The following USH2A variants were observed in gnomAD, a reference collection of about 807,000 sequenced individuals.
USH2A encodes Usher syndrome 2A (autosomal recessive, mild).
Under a neutral mutation model 538.9 loss-of-function variants are expected in USH2A, and 443 were observed. The observed-to-expected ratio is 0.82, with a 90% confidence interval of 0.76 to 0.89. The LOEUF is 0.89. USH2A is among the 40% of genes least tolerant of loss of function. The probability of loss-of-function intolerance (pLI) is 0.00; values close to 1 mark genes in which losing one functional copy is unlikely to be tolerated. For missense variants in USH2A, 6,633 were observed against 6,324.8 expected, an observed-to-expected ratio of 1.05 and a Z score of -1.65; for synonymous variants, 2,413 against 2,273.5, an observed-to-expected ratio of 1.06 and a Z score of -1.75.
At chr1:215,703,506 C>T (rs926341999) in intron 61 of USH2A, among the ~76,000 whole-genome samples, 1 of 152,180 alleles carries the variant, frequency 6.6e-6, no homozygotes, top group African/African-American at 2.4e-5. Flanking sequence ...CAGAGATGCC[C>T]TGCCTAGAGA....
intron 21 of USH2A, among the ~76,000 whole-genome samples, chr1:216,164,559 A>G (rs1043549940): frequency 6.6e-6 from 1 of 152,140 alleles, no homozygotes; most frequent in African/African-American, 2.4e-5. Flanking sequence ...TAGGTTTATA[A>G]GTACACATAA....
chr1:216,086,154 T>C (rs1571949525), intron 24 of USH2A, among the ~76,000 whole-genome samples: 1 of 152,130 alleles, frequency 6.6e-6, no homozygotes, highest in African/African-American at 2.4e-5. Flanking sequence ...AATATGTTCT[T>C]ATGCTCTTGT....
intron 47 of USH2A, among the ~76,000 whole-genome samples, chr1:215,833,353 T>C (rs1225432260): frequency 2.6e-5 from 4 of 151,922 alleles, no homozygotes; most frequent in Non-Finnish European, 4.4e-5. Context: ...GATATACATA[T>C]TGATAAATTG....
intron 35 of USH2A, among the ~76,000 whole-genome samples, chr1:215,983,400 GTTGA>G (rs1667797824): frequency 6.6e-6 from 1 of 152,148 alleles, no homozygotes; most frequent in South Asian, 2.1e-4. Flanking sequence ...ATATCAATAA[GTTGA>G]TTATTATTTG....
chr1:215,959,537 TC>T (rs1295498023), intron 37 of USH2A, among the ~76,000 whole-genome samples: 1 of 152,118 alleles, frequency 6.6e-6, no homozygotes, highest in Non-Finnish European at 1.5e-5. Context: ...TTATCTGAGA[TC>T]CATGAAATGA....
intron 47 of USH2A, among the ~76,000 whole-genome samples, chr1:215,817,444 G>A (rs955105329): frequency 1.3e-5 from 2 of 151,892 alleles, no homozygotes; most frequent in Non-Finnish European, 2.9e-5. Flanking sequence ...GGCTAATCAA[G>A]AAAATCAGAG....
chr1:216,337,650 A>G (rs1372321668), intron 4 of USH2A, among the ~76,000 whole-genome samples: 2 of 151,310 alleles, frequency 1.3e-5, no homozygotes, highest in African/African-American at 4.8e-5. Flanking sequence ...TTTTTTTCCA[A>G]GATTGTTAAA....
intron 32 of USH2A, among the ~76,000 whole-genome samples, chr1:216,029,321 A>G (rs894420254): frequency 3.3e-5 from 5 of 152,194 alleles, no homozygotes; most frequent in African/African-American, 1.2e-4. Context: ...TTTCTGCACA[A>G]GTGCTTTACA....
chr1:216,112,863 C>T (rs2032909082), intron 21 of USH2A, among the ~76,000 whole-genome samples: 1 of 151,802 alleles, frequency 6.6e-6, no homozygotes, highest in South Asian at 2.1e-4. Context: ...CATTGATGGG[C>T]ATTTAGGTTG....
At chr1:215,873,331 C>T (rs573457853) in intron 43 of USH2A, among the ~76,000 whole-genome samples, 2 of 152,260 alleles carry the variant, frequency 1.3e-5, no homozygotes, top group Non-Finnish European at 2.9e-5. Context: ...TTGGTAGTCA[C>T]GGGAGAAGCT....
chr1:215,748,954 T>C (rs920025511), intron 58 of USH2A, among the ~76,000 whole-genome samples: 1 of 152,234 alleles, frequency 6.6e-6, no homozygotes, highest in Non-Finnish European at 1.5e-5. Flanking sequence ...CCATGTGCCC[T>C]CAAACACTTT....
At chr1:216,230,896 T>TCA (rs1483688584) in intron 14 of USH2A, among the ~76,000 whole-genome samples, 5,820 of 149,154 alleles carry the variant, frequency 0.039, 328 homozygotes, top group African/African-American at 0.13. Flanking sequence ...TCTCTCTCTC[T>TCA]CTCACACACA....
At chr1:215,702,563 T>C (rs1347524719) in intron 61 of USH2A, among the ~76,000 whole-genome samples, 1 of 151,882 alleles carries the variant, frequency 6.6e-6, no homozygotes, top group African/African-American at 2.4e-5. Context: ...GTCCATTAAG[T>C]TGATCTTCAA....
chr1:215,627,480 C>A (rs1416857671), intron 71 of USH2A, among the ~76,000 whole-genome samples: 1 of 143,842 alleles, frequency 7.0e-6, no homozygotes, highest in Non-Finnish European at 1.5e-5. Context: ...TTCCTTCCTT[C>A]CTTCTTTCCT....
chr1:215,800,660 G>C (rs1277531542), intron 49 of USH2A, among the ~76,000 whole-genome samples: 1 of 151,856 alleles, frequency 6.6e-6, no homozygotes, highest in Admixed American at 6.6e-5. Context: ...TAAAAATATG[G>C]GACAATATTT....
intron 32 of USH2A, among the ~76,000 whole-genome samples, chr1:216,014,236 G>A (rs28658221): frequency 0.47 from 71,045 of 151,884 alleles, 17,060 homozygotes; most frequent in East Asian, 0.7. Flanking sequence ...GTTGGGCGTG[G>A]GGGGAAGGAG....
intron 43 of USH2A, among the ~76,000 whole-genome samples, chr1:215,869,044 A>T (rs1664556800): frequency 6.6e-6 from 1 of 152,278 alleles, no homozygotes; most frequent in Non-Finnish European, 1.5e-5. Context: ...TAGTCCACAT[A>T]ATCCAGACAA....
intron 41 of USH2A, 22 bp downstream of exon 41, chr1:215,888,404 G>C (rs932861919): frequency 6.8e-6 from 11 of 1,611,930 alleles, no homozygotes; most frequent in Non-Finnish European, 9.3e-6. Context: ...CTGCAAAGGA[G>C]AGAGAATAGT....
At chr1:215,853,868 A>G (rs1253522680) in intron 44 of USH2A, among the ~76,000 whole-genome samples, 2 of 152,152 alleles carry the variant, frequency 1.3e-5, no homozygotes, top group East Asian at 1.9e-4. Flanking sequence ...CATTATTAGC[A>G]TTTTGGTCAA....
Sources: gnomAD v4.1 joint callset for allele counts (sites outside exome capture counted in the v4.1 genomes callset) on GRCh38, gnomAD v4.1.1 for gene constraint, MANE v1.5 for transcripts, NCBI Gene and HGNC (gene_info 2026-07-23, HGNC 2026-07-21) for gene names.